Variants in SYNE1 observed in about 807,000 individuals in gnomAD.
SYNE1 encodes the protein nesprin-1.
A neutral mutation model predicts 1,111.0 loss-of-function variants in SYNE1; 616 were observed. The observed-to-expected ratio is 0.55, with a 90% confidence interval of 0.52 to 0.59. The LOEUF (loss-of-function observed/expected upper bound fraction) is 0.59. Ranked by LOEUF, SYNE1 falls within the 20% of genes least tolerant of loss-of-function variation. SYNE1 has a pLI of 0.00. For synonymous variants in SYNE1, 3,855 were observed against 3,825.8 expected (o/e 1.01, Z -0.28); for missense variants, 10,006 against 10,417.0 (o/e 0.96, Z 1.72).
chr6:152,529,667 G>A (rs1423224823), intron 4 of SYNE1, among the ~76,000 whole-genome samples: 2 of 152,222 alleles, frequency 1.3e-5, no homozygotes, highest in Admixed American at 1.3e-4. Context: ...GACACATGTA[G>A]TGAAGTCCAG....
At chr6:152,418,515 T>C (rs1183360937) in intron 40 of SYNE1, among the ~76,000 whole-genome samples, 3 of 152,240 alleles carry the variant, frequency 2.0e-5, no homozygotes, top group African/African-American at 4.8e-5. Context: ...ATGTAGCTTA[T>C]CTCCATTATT....
chr6:152,310,524 G>A lies in SYNE1; in HGVS notation c.16897-6C>T, dbSNP rs372179792. The A allele has an allele frequency of 6.2e-7, 1 of 1,613,848 alleles. No homozygotes were observed. Among genetic ancestry groups the A allele is most frequent in the African/African-American group, 1.3e-5 (1 of 74,916 alleles). ...GCTTCAAATTTTTTCATATCCTAGAGAGTCAATATCAATGTATTGTACTTG... is the reference window on the plus strand; with the variant it reads ...GCTTCAAATTTTTTCATATCCTAGAAAGTCAATATCAATGTATTGTACTTG... On this transcript the variant is annotated splice_polypyrimidine_tract_variant and splice_region_variant and intron_variant, in intron 88 of 145. Transcript: ENST00000367255.
At chr6:152,535,326 T>C (rs945835788) in intron 4 of SYNE1, among the ~76,000 whole-genome samples, 2 of 152,212 alleles carry the variant, frequency 1.3e-5, no homozygotes, top group African/African-American at 2.4e-5. Flanking sequence ...ACCTAAATAA[T>C]GTTTTATAAA....
chr6:152,312,252 C>T (rs1251649372), intron 87 of SYNE1, among the ~76,000 whole-genome samples: 8 of 146,378 alleles, frequency 5.5e-5, no homozygotes, highest in African/African-American at 1.8e-4. Flanking sequence ...TCCTGTTGCC[C>T]AGGCTGGAGT....
rs368068433 is a variant in SYNE1, at chr6:152,256,699, C to T, written c.19039G>A (p.Asp6347Asn). Residue 6347 changes from aspartate (D) to asparagine (N), a missense_variant, in exon 102 of 146, where the codon GAT becomes AAT. Coordinates refer to ENST00000367255, the MANE Select transcript of SYNE1 (RefSeq NM_182961.4). ...AGCAAAGATGTAACTGCAGATTTAT[C>T]TTGGGTTGGCACGTCCCCTTTGTAC... ...PLYKGDVPTQ[D>N]KSAVTSLLDG... The T allele has an allele frequency of 8.7e-6, 14 of 1,614,078 alleles. No individual in the cohort carries two copies. Among genetic ancestry groups the T allele is most frequent in the Non-Finnish European group, 1.1e-5 (13 of 1,179,978 alleles).
Position 152,561,568 on chromosome 6 carries a change from A to T in SYNE1, c.68-21547T>A, listed in dbSNP as rs2099395405. 2.0e-5 allele frequency among the ~76,000 whole-genome samples: 3 copies of T among 152,166 alleles called. No individual in the cohort carries two copies. The South Asian group carries it at 6.2e-4, about 31-fold the overall frequency. ...AACGGCATTTTTAATAGAAATAGAA[A>T]AAAAAGTCCTAAAAATTGTATGGAA... is the stretch of plus-strand genomic sequence containing the variant. On this transcript the variant is annotated intron_variant, in intron 3 of 145. Transcript: ENST00000367255.
chr6:152,136,130 G>T (rs1585798996), intron 141 of SYNE1, among the ~76,000 whole-genome samples: 1 of 152,112 alleles, frequency 6.6e-6, no homozygotes, highest in Non-Finnish European at 1.5e-5. Flanking sequence ...TTAACTATTT[G>T]CTTGCATTTT....
rs2098221182 is a variant in SYNE1 at position 152,419,593 on chromosome 6, A to C, written c.5397T>G (p.His1799Gln). ...CCTTATGCCGAGTAAGGGCTACTTG[A>C]TGGTCCATTATGCTAATCTCAGAGG... The part of the protein sequence containing the change: ...QTTSEISIMD[H>Q]QVALTRHKDH... The change falls in exon 40 of 146, where the codon CAT becomes CAG. Residue 1799 changes from histidine (H) to glutamine (Q), a missense_variant. Physicochemically the swap from His to Gln is conservative, Grantham distance 24. Transcript: ENST00000367255. 6.2e-7 allele frequency: 1 copy of C among 1,613,662 alleles called. No individual in the cohort carries two copies. Among genetic ancestry groups the C allele is most frequent in the East Asian group, 2.2e-5 (1 of 44,840 alleles).
intron 56 of SYNE1, chr6:152,380,446 C>CAA (rs1229577439): frequency 1.3e-4 from 14 of 107,130 alleles, no homozygotes; most frequent in South Asian, 2.8e-4. Flanking sequence ...CCATTAGCTT[C>CAA]AAAAAAAAAA....
Position 152,354,680 on chromosome 6 carries a change from C to A in SYNE1, c.10905G>T (p.Glu3635Asp), listed in dbSNP as rs1328247041. 1.2e-6 allele frequency: 2 copies of A among 1,614,212 alleles called. No homozygotes were observed. The highest frequency in any genetic ancestry group is 2.7e-5 in the African/African-American group (2 of 75,052). ...TRRQSNRATK[E>D]IQLHQMKKWH... The stretch of plus-strand genomic sequence containing the variant: ...GTACCTTCATCTGATGTAATTGTAT[C>A]TCCTTGGTTGCCCTGTTAGACTGAC... Residue 3635 changes from glutamate (E) to aspartate (D), a missense_variant, in exon 67 of 146, where the codon GAG becomes GAT. Glu to Asp is a conservative substitution (Grantham distance 45, BLOSUM62 2). Coordinates refer to ENST00000367255, the MANE Select transcript of SYNE1 (RefSeq NM_182961.4).
At chr6:152,256,431 A>AAAATAAATAAATAAAT (rs3038206) in intron 102 of SYNE1, among the ~76,000 whole-genome samples, 2 of 146,966 alleles carry the variant, frequency 1.4e-5, no homozygotes, top group South Asian at 2.2e-4. Context: ...CTCGGTCTAA[A>AAAATAAATAAATAAAT]AAATAAATAA....
intron 12 of SYNE1, among the ~76,000 whole-genome samples, chr6:152,486,874 A>G (rs2098943882): frequency 6.6e-6 from 1 of 152,192 alleles, no homozygotes; most frequent in African/African-American, 2.4e-5. Context: ...TTCTCACTTC[A>G]TTTGACCTTT....
chr6:152,360,343 A>ACAGG (rs1421798662), intron 64 of SYNE1, among the ~76,000 whole-genome samples: 1 of 152,086 alleles, frequency 6.6e-6, no homozygotes, highest in Non-Finnish European at 1.5e-5. Context: ...ATTTCCCTCC[A>ACAGG]CAGGGCCCGA....
At chr6:152,239,827 A>G in intron 107 of SYNE1, 121 bp from the exon 108 acceptor site, 6 of 1,040,612 alleles carry the variant, frequency 5.8e-6, no homozygotes, top group Non-Finnish European at 7.2e-6. Context: ...GGGAGGCTGA[A>G]GTGGGTGGAT....
chr6:152,215,686 A>G (rs1263175047), intron 121 of SYNE1, among the ~76,000 whole-genome samples: 2 of 152,212 alleles, frequency 1.3e-5, no homozygotes, highest in Non-Finnish European at 2.9e-5. Context: ...TGAATCAAGC[A>G]CTGACAAGAG....
intron 66 of SYNE1, among the ~76,000 whole-genome samples, chr6:152,357,959 G>A (rs916800877): frequency 2.0e-5 from 3 of 152,110 alleles, no homozygotes; most frequent in Admixed American, 2.0e-4. Flanking sequence ...AATGTGGCAG[G>A]TTTTGCTTAA....
At chr6:152,357,114 T>C (rs994951532) in intron 66 of SYNE1, among the ~76,000 whole-genome samples, 6 of 152,148 alleles carry the variant, frequency 3.9e-5, no homozygotes, top group African/African-American at 1.4e-4. Context: ...CCTTCTAACT[T>C]TTAGTATTTA....
In SYNE1 at chr6:152,347,197, C is replaced by T. The variant is rs2096652492; in HGVS notation, c.11940G>A (p.Leu3980=). 1.9e-6 allele frequency: 3 copies of T among 1,614,162 alleles called. No individual in the cohort carries two copies. The highest frequency in any genetic ancestry group is 1.7e-6 in the Non-Finnish European group (2 of 1,180,022). ...MEEIAGFEDR[L]NNLQMKGDTL... ...TATCACCTTTCATTTGAAGATTGTTCAAACGGTCTTCAAAACCAGCAATTT... is the reference window on the plus strand; with the variant it reads ...TATCACCTTTCATTTGAAGATTGTTTAAACGGTCTTCAAAACCAGCAATTT... The change falls in exon 73 of 146, where the codon TTG becomes TTA. Residue 3980 remains leucine (L), a synonymous_variant. Coordinates refer to ENST00000367255, the MANE Select transcript of SYNE1 (RefSeq NM_182961.4).
At chr6:152,401,848 C>T (rs926271610) in intron 46 of SYNE1, among the ~76,000 whole-genome samples, 30 of 152,240 alleles carry the variant, frequency 2.0e-4, no homozygotes, top group Admixed American at 8.5e-4. Context: ...TGAGGAGGGT[C>T]GACTTCTATG....
Sources: allele counts gnomAD v4.1 joint callset (sites outside exome capture counted in the v4.1 genomes callset), GRCh38; gene constraint gnomAD v4.1.1; transcripts MANE v1.5; gene names NCBI Gene and HGNC (gene_info 2026-07-23, HGNC 2026-07-21).